Variants in BCL2L13 observed in about 807,000 individuals in gnomAD.
BCL2L13 encodes BCL2 like 13, also known as bcl-2-like protein 13.
Under a neutral mutation model 25.8 loss-of-function variants are expected in BCL2L13, and 13 were observed. The ratio of observed to expected loss-of-function variants is 0.50; its 90% CI spans 0.33 to 0.80. BCL2L13 has a LOEUF of 0.80. BCL2L13 is among the 30% of genes least tolerant of loss of function. The probability of loss-of-function intolerance (pLI) is 0.02; values close to 1 mark genes in which losing one functional copy is unlikely to be tolerated. For missense variants in BCL2L13, 504 were observed against 574.9 expected (o/e 0.88, Z 1.26); for synonymous variants, 244 against 230.3 (o/e 1.06, Z -0.54).
chr22:17,661,549 A>C (rs8137591), intron 2 of BCL2L13, among the ~76,000 whole-genome samples: 90,906 of 144,974 alleles, frequency 0.63, 32,586 homozygotes, highest in East Asian at 0.85. Flanking sequence ...AACTTTTCCC[A>C]TCAGAAGCAA....
intron 2 of BCL2L13, among the ~76,000 whole-genome samples, chr22:17,667,717 G>T (rs1436730288): frequency 7.2e-6 from 1 of 138,686 alleles, no homozygotes; most frequent in African/African-American, 2.7e-5. Flanking sequence ...CCATGTTGGC[G>T]AGGCTGGTCT....
intron 5 of BCL2L13, among the ~76,000 whole-genome samples, chr22:17,699,453 C>T (rs1227092909): frequency 6.6e-6 from 1 of 152,026 alleles, no homozygotes; most frequent in Non-Finnish European, 1.5e-5. Context: ...AACAAAGAGA[C>T]CACATAGTGT....
At chr22:17,638,272 GC>G (rs1243398032), upstream of BCL2L13, 1 of 162,138 alleles carries the variant, frequency 6.2e-6, no homozygotes, top group African/African-American at 2.4e-5. Flanking sequence ...AGTTCCCTTC[GC>G]CTAGGAGGAC....
chr22:17,685,207 T>C (rs1273703685), intron 3 of BCL2L13, among the ~76,000 whole-genome samples: 1 of 151,944 alleles, frequency 6.6e-6, no homozygotes, highest in Non-Finnish European at 1.5e-5. Context: ...CATTTTTTAC[T>C]TAGCATAATG....
intron 4 of BCL2L13, among the ~76,000 whole-genome samples, chr22:17,690,631 C>T (rs1287826801): frequency 6.6e-6 from 1 of 152,078 alleles, no homozygotes; most frequent in Non-Finnish European, 1.5e-5. Context: ...AGTGTGATGG[C>T]ATGTTCCTGT....
At chr22:17,710,605 A>G (rs2060725005) in intron 6 of BCL2L13, among the ~76,000 whole-genome samples, 1 of 151,898 alleles carries the variant, frequency 6.6e-6, no homozygotes, top group Non-Finnish European at 1.5e-5. Flanking sequence ...AAAATAAAAA[A>G]TAAATAAATG....
At chr22:17,641,963 C>A (rs1245455537) in intron 1 of BCL2L13, among the ~76,000 whole-genome samples, 1 of 151,646 alleles carries the variant, frequency 6.6e-6, no homozygotes, top group Admixed American at 6.6e-5. Flanking sequence ...CCACGCCCGG[C>A]TGATTTTTTG....
exon 1 of BCL2L13, chr22:17,628,973 A>G (rs1377626950): frequency 1.8e-5 from 7 of 396,040 alleles, no homozygotes; most frequent in Non-Finnish European, 2.9e-5. Context: ...TCTATCTGAA[A>G]TTAGTCGGGC....
chr22:17,663,113 T>C (rs2059124967), intron 2 of BCL2L13, among the ~76,000 whole-genome samples: 1 of 152,164 alleles, frequency 6.6e-6, no homozygotes, highest in Non-Finnish European at 1.5e-5. Context: ...TCAAGTGATC[T>C]TCCTGCCTTG....
At chr22:17,703,829 G>A (rs989387337) in intron 6 of BCL2L13, 3 of 152,030 alleles carry the variant, frequency 2.0e-5, no homozygotes, top group African/African-American at 7.2e-5. Context: ...AAAACCTTTG[G>A]CTATTGTAGT....
At chr22:17,653,092 G>A (rs1056800217) in intron 1 of BCL2L13, among the ~76,000 whole-genome samples, 33 of 152,112 alleles carry the variant, frequency 2.2e-4, no homozygotes, top group African/African-American at 7.0e-4. Context: ...CAGAGTGGTC[G>A]TATGGATACT....
chr22:17,674,283 GA>G (rs1464418038), intron 2 of BCL2L13, among the ~76,000 whole-genome samples: 1 of 152,126 alleles, frequency 6.6e-6, no homozygotes, highest in African/African-American at 2.4e-5. Flanking sequence ...CAAAAATGTA[GA>G]ATAATATGTT....
At chr22:17,726,350 TA>T (rs56121786) in intron 6 of BCL2L13, among the ~76,000 whole-genome samples, 93,404 of 137,074 alleles carry the variant, frequency 0.68, 32,229 homozygotes, top group East Asian at 0.81. Flanking sequence ...GACTCCATCT[TA>T]AAAAAAAAAA....
At chr22:17,673,797 T>C (rs1196847000) in intron 2 of BCL2L13, among the ~76,000 whole-genome samples, 1 of 152,210 alleles carries the variant, frequency 6.6e-6, no homozygotes, top group Non-Finnish European at 1.5e-5. Context: ...ATTTTTTTAA[T>C]TCCTTTGAAT....
At chr22:17,640,053 C>T (rs1413553410) in intron 1 of BCL2L13, among the ~76,000 whole-genome samples, 1 of 152,138 alleles carries the variant, frequency 6.6e-6, no homozygotes, top group African/African-American at 2.4e-5. Flanking sequence ...GGGGTTTCAT[C>T]ATGTTGGTCA....
chr22:17,666,303 A>G (rs181867533), intron 2 of BCL2L13, among the ~76,000 whole-genome samples: 1 of 152,284 alleles, frequency 6.6e-6, no homozygotes, highest in East Asian at 1.9e-4. Flanking sequence ...AATGACAAAT[A>G]AACACATCAT....
Position 17,726,978 on chromosome 22 carries a change from ACTC to A in BCL2L13, c.906_908del (p.Ser303del), listed in dbSNP as rs759475194. The A allele has an allele frequency of 8.7e-6, 14 of 1,613,976 alleles. No individual in the cohort carries two copies. The highest frequency in any genetic ancestry group is 1.1e-5 in the South Asian group (1 of 91,080). The stretch of plus-strand genomic sequence containing the variant: ...GGAGCTGGAGAGAAGAGTGAGAACA[ACTC>A]CTCTAATTCTGACATTGTGCACGTG... On this transcript the variant is annotated inframe_deletion, in exon 7 of 7. Coordinates refer to ENST00000317582, the MANE Select transcript of BCL2L13 (RefSeq NM_015367.4).
At position 17,638,991 on chromosome 22, in the gene BCL2L13, G is replaced by T. The variant is rs1230366441; in HGVS notation, c.-51+105G>T. On this transcript the variant is annotated intron_variant, in intron 1 of 6. Coordinates refer to ENST00000317582, the MANE Select transcript of BCL2L13 (RefSeq NM_015367.4). Reference sequence around the variant, plus strand: ...GTATCGAGCCACCGACTCCCCAGTGGTTCCGACGACGCGTGAGTTTGAGTG... The same window carrying T: ...GTATCGAGCCACCGACTCCCCAGTGTTTCCGACGACGCGTGAGTTTGAGTG... 4.2e-6 allele frequency: 4 copies of T among 951,886 alleles called. No individual in the cohort carries two copies. The African/African-American group carries it at 6.8e-5, about 16-fold the overall frequency. The allele number at this position is 951,886 out of a possible 1,614,324, so 59.0% of individuals were successfully genotyped here.
intron 6 of BCL2L13, among the ~76,000 whole-genome samples, chr22:17,712,669 G>GT (rs2060796167): frequency 6.6e-6 from 1 of 152,150 alleles, no homozygotes; most frequent in Non-Finnish European, 1.5e-5. Flanking sequence ...TTCGGATTAT[G>GT]TTCTGGCAAA....
Sources: gnomAD v4.1 joint callset for allele counts (sites outside exome capture counted in the v4.1 genomes callset) on GRCh38, gnomAD v4.1.1 for gene constraint, MANE v1.5 for transcripts, NCBI Gene and HGNC (gene_info 2026-07-23, HGNC 2026-07-21) for gene names.